KAT6B: variants seen among roughly 807,000 people sequenced by gnomAD.
The protein encoded by KAT6B is lysine acetyltransferase 6B.
Under a neutral mutation model 187.5 loss-of-function variants are expected in KAT6B, and 10 were observed. The observed-to-expected ratio is 0.05, with a 90% confidence interval of 0.03 to 0.09. The LOEUF (loss-of-function observed/expected upper bound fraction) is 0.09. Among genes scored for constraint, KAT6B ranks in the 10% least tolerant of loss-of-function variants. The probability of loss-of-function intolerance (pLI) is 1.00; values close to 1 mark genes in which losing one functional copy is unlikely to be tolerated. For synonymous variants in KAT6B, 861 were observed against 926.8 expected (o/e 0.93, Z 1.29); for missense variants, 1,952 against 2,558.9 (o/e 0.76, Z 5.12).
At chr10:75,023,896 AC>A (rs1845623833) in intron 16 of KAT6B, among the ~76,000 whole-genome samples, 1 of 152,190 alleles carries the variant, frequency 6.6e-6, no homozygotes, top group African/African-American at 2.4e-5. Context: ...AATACAGTTT[AC>A]CTGAAGGTTA....
intron 1 of KAT6B, among the ~76,000 whole-genome samples, chr10:74,836,293 T>C (rs565757892): frequency 5.9e-5 from 9 of 152,374 alleles, no homozygotes; most frequent in Middle Eastern, 3.4e-3. Flanking sequence ...TACGTGTACT[T>C]ATTTGAGTAT....
At position 75,028,589 on chromosome 10, in the gene KAT6B, T is replaced by G; in HGVS notation, c.3765T>G (p.Gly1255=). ...TGTGGCCAAAAGGAACAAAGCGCGG[T>G]CTATCTAAGTGGAGGCAAAACAAAG... ...KQVWPKGTKR[G]LSKWRQNKER... is the part of the protein sequence containing the mutation. Residue 1255 remains glycine, a synonymous_variant, in exon 18 of 18, where the codon GGT becomes GGG. Transcript: ENST00000287239. 1 of 1,614,080 alleles carries G rather than the reference T, an allele frequency of 6.2e-7. No homozygotes were observed. Among genetic ancestry groups the G allele is most frequent in the Non-Finnish European group, 8.5e-7 (1 of 1,180,022 alleles).
chr10:74,842,893 G>T lies in KAT6B; in HGVS notation c.36G>T (p.Trp12Cys). Residue 12 changes from tryptophan (W) to cysteine (C), a missense_variant, in exon 3 of 18, where the codon TGG (tryptophan) becomes TGT (cysteine). By Grantham distance (215) the Trp-to-Cys change is radical. Around this residue, in one of 9 missense-constraint regions of KAT6B, gnomAD observed 218 missense variants for 282.6 expected, o/e 0.77. Transcript: ENST00000287239. ...VKLANPLYTE[W>C]ILEAIQKIKK... ...TTGCAAACCCACTTTATACAGAGTG[G>T]ATTCTTGAAGCTATACAGAAAATAA... The T allele has an allele frequency of 6.2e-7, 1 of 1,614,154 alleles. No homozygotes were observed. The highest frequency in any genetic ancestry group is 8.5e-7 in the Non-Finnish European group (1 of 1,180,026).
At chr10:74,839,581 A>G (rs1841577158) in intron 2 of KAT6B, among the ~76,000 whole-genome samples, 1 of 152,174 alleles carries the variant, frequency 6.6e-6, no homozygotes, top group African/African-American at 2.4e-5. Flanking sequence ...CAAAACACCT[A>G]AAAGCAACTT....
chr10:74,943,009 T>G (rs1420564065), intron 3 of KAT6B, among the ~76,000 whole-genome samples: 1 of 152,134 alleles, frequency 6.6e-6, no homozygotes, highest in Non-Finnish European at 1.5e-5. Flanking sequence ...TAATACTATG[T>G]CTTACAGCAT....
In KAT6B at chr10:74,843,772, ATCC is replaced by A. The variant is rs555821503; in HGVS notation, c.621+295_621+297del. On this transcript the variant is annotated intron_variant, in intron 3 of 17. Transcript: ENST00000287239. Reference sequence around the variant, plus strand: ...GGAAGGATAATATTGATCTTTCTTCATCCAGGCAGGGTCATATATATTTCAGAA... The same window carrying A: ...GGAAGGATAATATTGATCTTTCTTCAAGGCAGGGTCATATATATTTCAGAA... Among the ~76,000 whole-genome samples the A allele has an allele frequency of 2.6e-3, 391 of 152,332 alleles. 3 individuals carry two copies. The highest frequency in any genetic ancestry group is 9.0e-3 in the African/African-American group (376 of 41,576).
intron 3 of KAT6B, among the ~76,000 whole-genome samples, chr10:74,898,223 C>T (rs1846120710): frequency 1.3e-5 from 2 of 152,146 alleles, no homozygotes; most frequent in Non-Finnish European, 2.9e-5. Flanking sequence ...CCTTGTTCTG[C>T]AGTTACTGGA....
chr10:74,831,593 G>C (rs1470627711), intron 1 of KAT6B, among the ~76,000 whole-genome samples: 1 of 152,170 alleles, frequency 6.6e-6, no homozygotes, highest in Non-Finnish European at 1.5e-5. Context: ...GCCAGGTGCT[G>C]ACTTCTCCTG....
chr10:74,990,969 A>G (rs934510800), intron 13 of KAT6B, among the ~76,000 whole-genome samples: 24 of 152,060 alleles, frequency 1.6e-4, no homozygotes, highest in African/African-American at 5.8e-4. Flanking sequence ...TTTTTTGTCT[A>G]TTCAGTCCCT....
intron 3 of KAT6B, among the ~76,000 whole-genome samples, chr10:74,874,864 A>G (rs1158013655): frequency 6.6e-6 from 1 of 150,876 alleles, no homozygotes; most frequent in African/African-American, 2.4e-5. Flanking sequence ...TTAAAAGTAG[A>G]CTTTTTTTTG....
rs374549966 is a variant in KAT6B, at chr10:74,843,164, C to T, written c.307C>T (p.Arg103Cys). 172 of 1,614,158 alleles carry T rather than the reference C, an allele frequency of 1.1e-4. No individual in the cohort carries two copies. Among genetic ancestry groups the T allele is most frequent in the Admixed American group, 4.8e-4 (29 of 60,018 alleles). The change falls in exon 3 of 18, where the codon CGC becomes TGC. Residue 103 changes from arginine (R) to cysteine (C), a missense_variant. By Grantham distance (180) the Arg-to-Cys change is radical. Transcript: ENST00000287239. Reference protein sequence around the residue: ...KGSRGSCNDLRNVDWNKLLRR... With the variant: ...KGSRGSCNDLCNVDWNKLLRR... ...GTCTAGAGGATCATGTAATGATCTC[C>T]GCAATGTGGATTGGAATAAACTTTT... is the stretch of plus-strand genomic sequence containing the variant.
rs1185818986 is a variant in KAT6B, at chr10:74,901,028, TTAAA to T, written c.621+57553_621+57556del. 2.5e-4 allele frequency among the ~76,000 whole-genome samples: 38 copies of T among 152,244 alleles called. No individual in the cohort carries two copies. In the East Asian group the frequency reaches 7.3e-3, roughly 29 times the overall value. ...TAAAAGATATTTTAAGTATAAAATC[TTAAA>T]TATCTTTTACACTTAAAATATCTTT... On this transcript the variant is annotated intron_variant, in intron 3 of 17. Coordinates refer to ENST00000287239, the MANE Select transcript of KAT6B (RefSeq NM_012330.4).
At position 75,030,096 on chromosome 10, in the gene KAT6B, A is replaced by G. The variant is rs1564632604; in HGVS notation, c.5272A>G (p.Arg1758Gly). 1 of 1,614,176 alleles carries G rather than the reference A, an allele frequency of 6.2e-7. No individual in the cohort carries two copies. The highest frequency in any genetic ancestry group is 8.5e-7 in the Non-Finnish European group (1 of 1,180,016). The change falls in exon 18 of 18, where the codon AGG (arginine) becomes GGG (glycine). Residue 1758 changes from arginine to glycine, a missense_variant. This residue lies in a region of KAT6B where 358 missense variants were observed against 436.3 expected (regional missense o/e 0.82). Coordinates refer to ENST00000287239, the MANE Select transcript of KAT6B (RefSeq NM_012330.4). The surrounding 1 kb of genome is among the most constrained non-coding windows in gnomAD (Gnocchi z 4.8). The stretch of plus-strand genomic sequence containing the variant: ...GTCTCCTCAAGGCTGTGTGGTGGAG[A>G]GGCCTCCGAGCAGCAGCCAGCAGCT... ...VKSPQGCVVE[R>G]PPSSSQQLAQ...
chr10:74,857,767 C>T (rs185296178), intron 3 of KAT6B, among the ~76,000 whole-genome samples: 142 of 152,300 alleles, frequency 9.3e-4, no homozygotes, highest in Middle Eastern at 3.4e-3. Flanking sequence ...CATCTATAAT[C>T]CCAATGCTTT....
chr10:74,833,856 G>C (rs1432066122), intron 1 of KAT6B, among the ~76,000 whole-genome samples: 1 of 152,216 alleles, frequency 6.6e-6, no homozygotes, highest in African/African-American at 2.4e-5. Flanking sequence ...AAAGAACTTA[G>C]TGTTACTCTA....
At chr10:75,020,887 A>G in intron 14 of KAT6B, 74 bp downstream of exon 14, 2 of 1,259,174 alleles carry the variant, frequency 1.6e-6, no homozygotes, top group Non-Finnish European at 2.3e-6. Flanking sequence ...AGATAGGTGC[A>G]TTCATTCCAG....
intron 3 of KAT6B, among the ~76,000 whole-genome samples, chr10:74,947,436 A>G (rs1840030940): frequency 6.6e-6 from 1 of 152,250 alleles, no homozygotes; most frequent in Non-Finnish European, 1.5e-5. Flanking sequence ...TATATGCTAA[A>G]GTAAGAATGT....
At chr10:74,927,585 T>G (rs2133130660) in intron 3 of KAT6B, among the ~76,000 whole-genome samples, 1 of 152,164 alleles carries the variant, frequency 6.6e-6, no homozygotes, top group African/African-American at 2.4e-5. Context: ...GGTTATTGAT[T>G]GTGGGAAATG....
At chr10:74,976,796 A>C in intron 8 of KAT6B, 1 of 286,704 alleles carries the variant, frequency 3.5e-6, no homozygotes, top group Non-Finnish European at 6.7e-6. Context: ...GTCTCAGCAA[A>C]GCCTGATCTG....
Sources: allele counts gnomAD v4.1 joint callset (sites outside exome capture counted in the v4.1 genomes callset), GRCh38; gene constraint gnomAD v4.1.1; regional missense constraint gnomAD v4.1.1; non-coding constraint Gnocchi (gnomAD v3.1); transcripts MANE v1.5; gene names NCBI Gene and HGNC (gene_info 2026-07-23, HGNC 2026-07-21).